The following FSTL5 variants were observed in gnomAD, a reference collection of about 807,000 sequenced individuals.
FSTL5 encodes follistatin-related protein 5.
A neutral mutation model predicts 89.1 loss-of-function variants in FSTL5; 62 were observed. The observed-to-expected ratio is 0.70, with a 90% CI of 0.57 to 0.86. FSTL5 has a LOEUF of 0.86. Ranked by LOEUF, FSTL5 falls within the 40% of genes least tolerant of loss-of-function variation. The pLI is 0.00. For missense variants in FSTL5, 1,057 were observed against 1,001.6 expected, an observed-to-expected ratio of 1.06 and a Z score of -0.75; for synonymous variants, 383 against 346.2, an observed-to-expected ratio of 1.11 and a Z score of -1.18.
chr4:161,476,193 G>GTTTTTTTT (rs1358637705), intron 13 of FSTL5, among the ~76,000 whole-genome samples: 2 of 69,844 alleles, frequency 2.9e-5, no homozygotes, highest in Non-Finnish European at 2.6e-5. Context: ...TTTTTTGTTT[G>GTTTTTTTT]TTTGTTTTTT....
At chr4:161,622,954 A>G (rs1294275216) in intron 7 of FSTL5, among the ~76,000 whole-genome samples, 1 of 152,084 alleles carries the variant, frequency 6.6e-6, no homozygotes, top group African/African-American at 2.4e-5. Flanking sequence ...AGGCTTTCTT[A>G]TTTTTATCCA....
At chr4:162,036,975 G>A (rs1292562240) in intron 2 of FSTL5, among the ~76,000 whole-genome samples, 1 of 151,936 alleles carries the variant, frequency 6.6e-6, no homozygotes, top group East Asian at 1.9e-4. Flanking sequence ...GTTATGGAGT[G>A]TAGCTGGAAA....
intron 3 of FSTL5, among the ~76,000 whole-genome samples, chr4:161,963,202 T>A (rs1684990863): frequency 6.6e-6 from 1 of 151,962 alleles, no homozygotes; most frequent in Admixed American, 6.6e-5. Context: ...ATTCAAAATA[T>A]CTATGAAATA....
chr4:162,098,695 A>T (rs1397419556), intron 2 of FSTL5, among the ~76,000 whole-genome samples: 1 of 152,108 alleles, frequency 6.6e-6, no homozygotes, highest in African/African-American at 2.4e-5. Flanking sequence ...CATAGTAAAT[A>T]AGACTGGCTG....
At chr4:161,407,112 A>T (rs964392542) in intron 15 of FSTL5, among the ~76,000 whole-genome samples, 3 of 152,186 alleles carry the variant, frequency 2.0e-5, no homozygotes, top group Non-Finnish European at 4.4e-5. Context: ...AAGCATTTTG[A>T]AACTAGATAG....
intron 3 of FSTL5, among the ~76,000 whole-genome samples, chr4:161,994,941 T>C (rs1054037115): frequency 3.3e-5 from 5 of 152,194 alleles, no homozygotes; most frequent in East Asian, 1.9e-4. Flanking sequence ...GGTGTCTTTG[T>C]CATTTGAAAT....
At chr4:161,908,185 A>G (rs950076557) in intron 4 of FSTL5, among the ~76,000 whole-genome samples, 4 of 151,974 alleles carry the variant, frequency 2.6e-5, no homozygotes, top group African/African-American at 9.7e-5. Context: ...CTTACCACTT[A>G]CCTCTACCAA....
chr4:162,066,797 G>T (rs755686666), intron 2 of FSTL5, among the ~76,000 whole-genome samples: 9 of 152,000 alleles, frequency 5.9e-5, no homozygotes, highest in Non-Finnish European at 1.0e-4. Flanking sequence ...ATTCCATGGT[G>T]TCTATGTGCC....
chr4:161,565,685 C>T (rs999222764), intron 8 of FSTL5, among the ~76,000 whole-genome samples: 2 of 149,540 alleles, frequency 1.3e-5, no homozygotes, highest in Admixed American at 1.4e-4. Context: ...TTAACCTATT[C>T]TGTTATAAGA....
intron 4 of FSTL5, among the ~76,000 whole-genome samples, chr4:161,791,738 A>G (rs190671441): frequency 2.0e-3 from 310 of 152,340 alleles, no homozygotes; most frequent in South Asian, 3.9e-3. Context: ...CATGTTAAGT[A>G]CAGTTTCTGA....
intron 15 of FSTL5, among the ~76,000 whole-genome samples, chr4:161,402,106 G>A (rs904836824): frequency 6.6e-6 from 1 of 152,162 alleles, no homozygotes; most frequent in African/African-American, 2.4e-5. Context: ...ACTGTTACCA[G>A]AAGGAACTAG....
intron 13 of FSTL5, among the ~76,000 whole-genome samples, chr4:161,468,429 T>C (rs1733820995): frequency 6.6e-6 from 1 of 152,078 alleles, no homozygotes; most frequent in African/African-American, 2.4e-5. Flanking sequence ...ACACAGTGAC[T>C]ATTAGAAAAA....
At chr4:162,093,583 C>G (rs934242995) in intron 2 of FSTL5, among the ~76,000 whole-genome samples, 1 of 151,958 alleles carries the variant, frequency 6.6e-6, no homozygotes, top group African/African-American at 2.4e-5. Flanking sequence ...AATGCCATAC[C>G]CAAGAGACTA....
chr4:161,604,550 C>G (rs1734370187), intron 7 of FSTL5, among the ~76,000 whole-genome samples: 1 of 152,162 alleles, frequency 6.6e-6, no homozygotes, highest in Non-Finnish European at 1.5e-5. Context: ...AGGCTCTTCT[C>G]TAGCACTATT....
chr4:161,668,771 C>A (rs915469321), intron 6 of FSTL5, among the ~76,000 whole-genome samples: 2 of 151,922 alleles, frequency 1.3e-5, no homozygotes, highest in African/African-American at 4.8e-5. Context: ...ACAAAACGTG[C>A]AAGATTTATA....
intron 2 of FSTL5, among the ~76,000 whole-genome samples, chr4:162,090,131 T>C: frequency 6.6e-6 from 1 of 152,052 alleles, no homozygotes; most frequent in Non-Finnish European, 1.5e-5. Context: ...AACCTAAAAC[T>C]ATGAAAACCT....
intron 2 of FSTL5, among the ~76,000 whole-genome samples, chr4:162,062,469 C>A (rs1428513113): frequency 1.3e-5 from 2 of 151,852 alleles, no homozygotes; most frequent in South Asian, 2.1e-4. Flanking sequence ...ACAGTACCGG[C>A]CTTCCTGCCT....
rs1316957108 is a variant in FSTL5 at position 161,755,000 on chromosome 4, T to C, written c.727+4411A>G. Among the ~76,000 whole-genome samples the C allele has an allele frequency of 2.0e-5, 3 of 152,108 alleles. No individual in the cohort carries two copies. The South Asian group carries it at 6.2e-4, about 31-fold the overall frequency. On this transcript the variant is annotated intron_variant, in intron 6 of 15. Transcript: ENST00000306100. ...TGGAAAATGAACACACTTTACTGAA[T>C]ATACTCATGACAACAAAATCCAGGG...
intron 8 of FSTL5, among the ~76,000 whole-genome samples, chr4:161,547,796 T>C (rs537570604): frequency 4.4e-4 from 67 of 151,948 alleles, no homozygotes; most frequent in Admixed American, 8.5e-4. Flanking sequence ...TGGCATAGAG[T>C]AAATTAAAAT....
Sources: gnomAD v4.1 joint callset for allele counts (sites outside exome capture counted in the v4.1 genomes callset) on GRCh38, gnomAD v4.1.1 for gene constraint, MANE v1.5 for transcripts, NCBI Gene and HGNC (gene_info 2026-07-23, HGNC 2026-07-21) for gene names.